CTNNA3: variants seen among roughly 807,000 people sequenced by gnomAD.
CTNNA3 encodes catenin alpha-3.
A neutral mutation model predicts 95.7 loss-of-function variants in CTNNA3; 76 were observed. The ratio of observed to expected loss-of-function variants is 0.79; its 90% CI spans 0.66 to 0.96. The LOEUF is 0.96. Among genes scored for constraint, CTNNA3 ranks in the 40% least tolerant of loss-of-function variants. The probability of loss-of-function intolerance (pLI) is 0.00; values close to 1 mark genes in which losing one functional copy is unlikely to be tolerated. For synonymous variants in CTNNA3, 431 were observed against 374.4 expected (o/e 1.15, Z -1.74); for missense variants, 1,191 against 1,089.8 (o/e 1.09, Z -1.31).
intron 12 of CTNNA3, among the ~76,000 whole-genome samples, chr10:66,342,512 ATAT>A (rs1461331532): frequency 1.3e-5 from 2 of 152,096 alleles, no homozygotes; most frequent in Non-Finnish European, 2.9e-5. Flanking sequence ...TTGTATGCAA[ATAT>A]TATTATCTTC....
chr10:67,754,755 T>C (rs2131751882), intron 1 of CTNNA3, among the ~76,000 whole-genome samples: 1 of 152,072 alleles, frequency 6.6e-6, no homozygotes, highest in Non-Finnish European at 1.5e-5. Context: ...AAACAACCCA[T>C]AGAACGGGGG....
At chr10:66,168,634 C>G (rs769206114) in intron 13 of CTNNA3, among the ~76,000 whole-genome samples, 4 of 152,202 alleles carry the variant, frequency 2.6e-5, no homozygotes, top group African/African-American at 4.8e-5. Context: ...CTCATCTAAA[C>G]TAGCACCTTG....
At chr10:66,784,944 TCTAA>T (rs1364459262) in intron 7 of CTNNA3, among the ~76,000 whole-genome samples, 2 of 152,152 alleles carry the variant, frequency 1.3e-5, no homozygotes, top group Non-Finnish European at 2.9e-5. Flanking sequence ...TCCCAAGAAA[TCTAA>T]CTAGTGAAAG....
At chr10:67,487,056 G>T (rs1354455284) in intron 5 of CTNNA3, among the ~76,000 whole-genome samples, 2 of 152,116 alleles carry the variant, frequency 1.3e-5, no homozygotes, top group African/African-American at 4.8e-5. Flanking sequence ...CCCCATCAGT[G>T]TCCCAGGCAA....
intron 16 of CTNNA3, among the ~76,000 whole-genome samples, chr10:65,983,871 G>A (rs972926474): frequency 1.3e-5 from 2 of 151,154 alleles, no homozygotes; most frequent in Admixed American, 6.6e-5. Flanking sequence ...AGCAATGAAG[G>A]AAGGAAAAGT....
In CTNNA3 at chr10:66,042,029, A is replaced by G. The variant is rs148492923; in HGVS notation, c.2159+27279T>C. Among the ~76,000 whole-genome samples the G allele has an allele frequency of 2.2e-4, 34 of 152,270 alleles. No individual in the cohort carries two copies. In the East Asian group the frequency reaches 6.0e-3, roughly 27 times the overall value. Reference sequence around the variant, plus strand: ...TTGTCACATTCTCTGTCTTCCACTTATGCTCTGGCAATACCTAACTACTTC... The same window carrying G: ...TTGTCACATTCTCTGTCTTCCACTTGTGCTCTGGCAATACCTAACTACTTC... On this transcript the variant is annotated intron_variant, in intron 15 of 17. Transcript: ENST00000433211.
At chr10:67,011,597 T>G (rs1480868873) in intron 7 of CTNNA3, among the ~76,000 whole-genome samples, 1 of 152,168 alleles carries the variant, frequency 6.6e-6, no homozygotes, top group African/African-American at 2.4e-5. Context: ...ATGAGTATTT[T>G]TTCCCTAAAA....
At chr10:67,518,719 C>A (rs1839895450) in intron 5 of CTNNA3, among the ~76,000 whole-genome samples, 1 of 152,006 alleles carries the variant, frequency 6.6e-6, no homozygotes, top group African/African-American at 2.4e-5. Context: ...TTTTACTTCA[C>A]AAAACGAAAG....
intron 7 of CTNNA3, among the ~76,000 whole-genome samples, chr10:66,945,518 C>T (rs1390427430): frequency 1.3e-5 from 2 of 152,124 alleles, no homozygotes; most frequent in Non-Finnish European, 2.9e-5. Flanking sequence ...TCTCTCCAGA[C>T]CACTAAAATG....
intron 11 of CTNNA3, among the ~76,000 whole-genome samples, chr10:66,519,642 C>T (rs1840987503): frequency 6.6e-6 from 1 of 152,124 alleles, no homozygotes; most frequent in Admixed American, 6.6e-5. Context: ...GACCTGGAAG[C>T]CCCCTTCCCA....
chr10:66,583,482 A>G (rs1031384501), intron 10 of CTNNA3, among the ~76,000 whole-genome samples: 2 of 151,902 alleles, frequency 1.3e-5, no homozygotes, highest in African/African-American at 4.8e-5. Context: ...AGCTCTTCAC[A>G]GTAGTCCCAA....
chr10:67,055,586 A>T (rs1855378675), intron 7 of CTNNA3, among the ~76,000 whole-genome samples: 1 of 152,190 alleles, frequency 6.6e-6, no homozygotes, highest in African/African-American at 2.4e-5. Flanking sequence ...AAAACTTAAC[A>T]TGACCCAAAA....
In CTNNA3 at chr10:66,927,510, G is replaced by A; in HGVS notation, c.1048-151986C>T. On this transcript the variant is annotated intron_variant, in intron 7 of 17. Coordinates refer to ENST00000433211, the MANE Select transcript of CTNNA3 (RefSeq NM_013266.4). The surrounding 1 kb of genome is among the most constrained non-coding windows in gnomAD (Gnocchi z 4.7). Reference sequence around the variant, plus strand: ...ATAACCGGATCCGAAGTTTAGCCAGGAATGTCTTTGCTGGCATGATCAGAC... The same window carrying A: ...ATAACCGGATCCGAAGTTTAGCCAGAAATGTCTTTGCTGGCATGATCAGAC... 6.2e-7 allele frequency: 1 copy of A among 1,614,112 alleles called. No homozygotes were observed. Among genetic ancestry groups the A allele is most frequent in the South Asian group, 1.1e-5 (1 of 91,084 alleles).
chr10:66,845,703 C>CA lies in CTNNA3; in HGVS notation c.1048-70180dup, dbSNP rs61085873. 2.0e-3 allele frequency among the ~76,000 whole-genome samples: 46 copies of CA among 23,544 alleles called. 2 individuals are homozygous for CA. The highest frequency in any genetic ancestry group is 3.5e-3 in the African/African-American group (34 of 9,784). 15.4% of individuals were successfully genotyped at this position (23,544 alleles called of 152,430 possible). On this transcript the variant is annotated intron_variant, in intron 7 of 17. Transcript: ENST00000433211. ...GGGTAACAACAGCAAAACTCTGTCT[C>CA]AAAAAAAAAAAAAAAAAAAAAAAAA...
At chr10:66,555,882 A>T (rs1842373813) in intron 10 of CTNNA3, among the ~76,000 whole-genome samples, 1 of 152,104 alleles carries the variant, frequency 6.6e-6, no homozygotes, top group Non-Finnish European at 1.5e-5. Context: ...ACTATATCAA[A>T]CTAAATAGCT....
chr10:66,967,363 T>G (rs968561262), intron 7 of CTNNA3, among the ~76,000 whole-genome samples: 39 of 151,688 alleles, frequency 2.6e-4, no homozygotes, highest in Admixed American at 2.2e-3. Context: ...TAGATAGATA[T>G]ATGTAGATAT....
chr10:65,986,338 A>C (rs34562514), intron 16 of CTNNA3, among the ~76,000 whole-genome samples: 36,827 of 145,974 alleles, frequency 0.25, 5,360 homozygotes, highest in Non-Finnish European at 0.34. Flanking sequence ...AAAAAAAAAA[A>C]CTCTTAGATT....
At chr10:66,752,997 A>G in intron 9 of CTNNA3, among the ~76,000 whole-genome samples, 1 of 152,148 alleles carries the variant, frequency 6.6e-6, no homozygotes, top group Non-Finnish European at 1.5e-5. Flanking sequence ...ATACCTGTTC[A>G]CTGTAAGTTT....
intron 10 of CTNNA3, among the ~76,000 whole-genome samples, chr10:66,588,907 AAAG>A (rs952103655): frequency 1.3e-5 from 2 of 150,862 alleles, no homozygotes; most frequent in Non-Finnish European, 2.9e-5. Flanking sequence ...AGTGGAGATA[AAAG>A]AAGGTCTCTG....
Sources: allele counts gnomAD v4.1 joint callset (sites outside exome capture counted in the v4.1 genomes callset), GRCh38; gene constraint gnomAD v4.1.1; non-coding constraint Gnocchi (gnomAD v3.1); transcripts MANE v1.5; gene names NCBI Gene and HGNC (gene_info 2026-07-23, HGNC 2026-07-21).